Variants in RSPO2 observed in about 807,000 individuals in gnomAD.
RSPO2 encodes R-spondin 2, also known as R-spondin-2.
In RSPO2, 14 loss-of-function variants were observed where a neutral mutation model predicts 30.9. The observed-to-expected ratio is 0.45, with a 90% CI of 0.30 to 0.71. RSPO2 has a LOEUF of 0.71. RSPO2 is among the 30% of genes least tolerant of loss of function. RSPO2 has a pLI of 0.08. For missense variants in RSPO2, 264 were observed against 301.9 expected (o/e 0.87, Z 0.93); for synonymous variants, 107 against 96.4 (o/e 1.11, Z -0.64).
Position 107,934,365 on chromosome 8 carries a change from A to C in RSPO2, c.616+23715T>G, listed in dbSNP as rs1423533700. Among the ~76,000 whole-genome samples, 5 of 119,616 alleles carry C rather than the reference A, an allele frequency of 4.2e-5. No individual in the cohort carries two copies. In the Admixed American group the frequency reaches 5.2e-4, roughly 12 times the overall value. 78.5% of individuals were successfully genotyped at this position (119,616 alleles called of 152,430 possible). ...CTCATTACATACAAAGCATCTTCTC[A>C]TTTCCCTTTTTTTTTTTTTTTTATT... On this transcript the variant is annotated intron_variant, in intron 5 of 5. Transcript: ENST00000276659.
At chr8:107,960,936 ATAT>A in intron 3 of RSPO2, 119 bp from the exon 4 acceptor site, 1 of 720,376 alleles carries the variant, frequency 1.4e-6, no homozygotes, top group Non-Finnish European at 2.3e-6. Context: ...CATCAGAGAA[ATAT>A]TGTTTAACTC....
intron 3 of RSPO2, among the ~76,000 whole-genome samples, chr8:107,962,687 T>C (rs940865978): frequency 2.6e-5 from 4 of 152,166 alleles, no homozygotes; most frequent in Non-Finnish European, 5.9e-5. Flanking sequence ...GTTTTCTTGC[T>C]ATATTTTTTT....
At chr8:107,914,641 C>T (rs1811924992) in intron 5 of RSPO2, among the ~76,000 whole-genome samples, 1 of 151,870 alleles carries the variant, frequency 6.6e-6, no homozygotes, top group Non-Finnish European at 1.5e-5. Context: ...GTAAAAAAAC[C>T]TTCCTCCTTT....
At chr8:108,063,520 T>C (rs542726962) in intron 2 of RSPO2, among the ~76,000 whole-genome samples, 50 of 151,700 alleles carry the variant, frequency 3.3e-4, no homozygotes, top group Admixed American at 9.2e-4. Context: ...CACTGCTCAA[T>C]GAAATAAAAG....
At chr8:107,979,114 T>A (rs1359007984) in intron 3 of RSPO2, among the ~76,000 whole-genome samples, 10 of 152,174 alleles carry the variant, frequency 6.6e-5, no homozygotes, top group Non-Finnish European at 1.3e-4. Flanking sequence ...ATTGTGGAAG[T>A]CAGTGTGGTG....
At chr8:107,952,416 A>T (rs1404747322) in intron 5 of RSPO2, among the ~76,000 whole-genome samples, 1 of 152,172 alleles carries the variant, frequency 6.6e-6, no homozygotes, top group African/African-American at 2.4e-5. Context: ...TCAGACAGAC[A>T]TTATAACACT....
chr8:108,039,816 T>C (rs896320239), intron 2 of RSPO2, among the ~76,000 whole-genome samples: 2 of 152,112 alleles, frequency 1.3e-5, no homozygotes, highest in Admixed American at 1.3e-4. Context: ...CCGAATGTGA[T>C]GGTATCTGAA....
intron 5 of RSPO2, among the ~76,000 whole-genome samples, chr8:107,931,622 T>C (rs1421025052): frequency 6.6e-6 from 1 of 152,146 alleles, no homozygotes; most frequent in Non-Finnish European, 1.5e-5. Context: ...AACCAACGGA[T>C]GTAAGTTTCA....
chr8:108,019,913 T>C (rs1811006541), intron 2 of RSPO2, among the ~76,000 whole-genome samples: 1 of 152,154 alleles, frequency 6.6e-6, no homozygotes, highest in African/African-American at 2.4e-5. Flanking sequence ...ACATTACTAG[T>C]GGCTGCTCTT....
At chr8:108,062,258 T>G (rs1812493780) in intron 2 of RSPO2, among the ~76,000 whole-genome samples, 1 of 151,770 alleles carries the variant, frequency 6.6e-6, no homozygotes, top group African/African-American at 2.4e-5. Context: ...ACTGGTTTTT[T>G]GAAAAGATCA....
chr8:107,993,945 C>G (rs760982640), intron 2 of RSPO2, among the ~76,000 whole-genome samples: 8 of 152,092 alleles, frequency 5.3e-5, no homozygotes, highest in Non-Finnish European at 7.4e-5. Context: ...ATCCCATAAT[C>G]CCATAGAATC....
chr8:107,919,133 C>T (rs1484553008), intron 5 of RSPO2, among the ~76,000 whole-genome samples: 5 of 152,118 alleles, frequency 3.3e-5, no homozygotes, highest in African/African-American at 1.2e-4. Flanking sequence ...ACTCCTCTTA[C>T]CTTGGGGTCA....
intron 3 of RSPO2, 47 bp downstream of exon 3, chr8:107,989,009 T>C: frequency 6.7e-7 from 1 of 1,485,836 alleles, no homozygotes; most frequent in Non-Finnish European, 9.1e-7. Flanking sequence ...GCTCCTCTCC[T>C]AAGTTGCATA....
chr8:108,076,031 A>G (rs966956511), intron 2 of RSPO2, among the ~76,000 whole-genome samples: 1 of 152,224 alleles, frequency 6.6e-6, no homozygotes, highest in Non-Finnish European at 1.5e-5. Context: ...TAGCCCAGAA[A>G]TCTAAGAAAC....
chr8:107,998,688 A>C (rs1425999067), intron 2 of RSPO2, among the ~76,000 whole-genome samples: 1 of 152,216 alleles, frequency 6.6e-6, no homozygotes, highest in Non-Finnish European at 1.5e-5. Context: ...AATCTAGAAA[A>C]AAATTGATAA....
intron 2 of RSPO2, among the ~76,000 whole-genome samples, chr8:108,033,461 C>T (rs1362220662): frequency 6.6e-6 from 1 of 152,170 alleles, no homozygotes; most frequent in Non-Finnish European, 1.5e-5. Context: ...GTGTTCATCC[C>T]TCCGTGTAAG....
chr8:107,952,891 T>C (rs1813302651), intron 5 of RSPO2, among the ~76,000 whole-genome samples: 1 of 152,212 alleles, frequency 6.6e-6, no homozygotes, highest in African/African-American at 2.4e-5. Context: ...TTTTGTTTCC[T>C]ACCAAGAACC....
chr8:108,081,774 G>A (rs1042547315), intron 2 of RSPO2: 6 of 359,094 alleles, frequency 1.7e-5, no homozygotes, highest in Non-Finnish European at 2.3e-5. Flanking sequence ...AAAGCCGCAA[G>A]TGAATTTCAT....
intron 3 of RSPO2, among the ~76,000 whole-genome samples, chr8:107,979,812 C>T (rs1246783943): frequency 1.3e-5 from 2 of 152,186 alleles, no homozygotes; most frequent in African/African-American, 4.8e-5. Flanking sequence ...TCAAGTACCA[C>T]TGCCTTAGCT....
Sources: gnomAD v4.1 joint callset for allele counts (sites outside exome capture counted in the v4.1 genomes callset) on GRCh38, gnomAD v4.1.1 for gene constraint, MANE v1.5 for transcripts, NCBI Gene and HGNC (gene_info 2026-07-23, HGNC 2026-07-21) for gene names.